MED27: variants seen among roughly 807,000 people sequenced by gnomAD.
The protein encoded by MED27 is mediator complex subunit 27.
Under a neutral mutation model 38.2 loss-of-function variants are expected in MED27, and 30 were observed. That is an observed-to-expected ratio of 0.79 (90% CI 0.59 to 1.07). MED27 has a LOEUF of 1.07. Ranked by LOEUF, MED27 falls within the 50% of genes least tolerant of loss-of-function variation. The pLI is 0.00. For missense variants in MED27, 289 were observed against 397.5 expected (o/e 0.73, Z 2.32); for synonymous variants, 122 against 153.5 (o/e 0.79, Z 1.52).
intron 6 of MED27, among the ~76,000 whole-genome samples, chr9:131,868,012 CAGA>C (rs1838764884): frequency 6.6e-6 from 1 of 152,210 alleles, no homozygotes. Context: ...AAATACAAAT[CAGA>C]AGGACAGTCT....
intron 3 of MED27, among the ~76,000 whole-genome samples, chr9:131,959,084 G>A (rs7862449): frequency 0.014 from 2,163 of 152,296 alleles, 55 homozygotes; most frequent in African/African-American, 0.049. Flanking sequence ...TTTTCATGTT[G>A]AATGGGAACA....
intron 3 of MED27, among the ~76,000 whole-genome samples, chr9:131,949,553 C>T (rs1156957268): frequency 3.9e-5 from 6 of 152,158 alleles, no homozygotes; most frequent in South Asian, 2.1e-4. Context: ...TCTTACACAC[C>T]GCAGTGCTTT....
intron 2 of MED27, among the ~76,000 whole-genome samples, chr9:132,076,265 C>CTT (rs113968612): frequency 2.7e-5 from 4 of 147,082 alleles, no homozygotes; most frequent in Admixed American, 2.0e-4. Flanking sequence ...AGGCCCCATG[C>CTT]TTTTTTTTTT....
intron 3 of MED27, among the ~76,000 whole-genome samples, chr9:131,986,999 A>ATTTTTTTTTTTTTTTTTTTTTTTT (rs66519112): frequency 4.3e-5 from 2 of 46,254 alleles, no homozygotes; most frequent in Non-Finnish European, 7.4e-5. Context: ...GAGTTCATGG[A>ATTTTTTTTTTTTTTTTTTTTTTTT]TTTTTTTTTT....
intron 2 of MED27, 94 bp downstream of exon 2, chr9:132,077,348 A>G: frequency 1.6e-6 from 2 of 1,249,888 alleles, no homozygotes; most frequent in South Asian, 2.8e-5. Context: ...AGAACATAAA[A>G]AGCAATAAAA....
At chr9:131,897,009 C>T (rs937524783) in intron 4 of MED27, among the ~76,000 whole-genome samples, 10 of 152,250 alleles carry the variant, frequency 6.6e-5, no homozygotes, top group Non-Finnish European at 8.8e-5. Context: ...GGATTACAGG[C>T]GCAAGCCACC....
At chr9:131,878,324 TC>T (rs1490336975) in intron 6 of MED27, among the ~76,000 whole-genome samples, 2 of 150,014 alleles carry the variant, frequency 1.3e-5, no homozygotes, top group Non-Finnish European at 2.9e-5. Context: ...ATAAAAATAA[TC>T]AACTAATAAA....
chr9:132,001,328 T>C (rs982616574), intron 3 of MED27, among the ~76,000 whole-genome samples: 7 of 152,144 alleles, frequency 4.6e-5, no homozygotes, highest in Admixed American at 3.9e-4. Context: ...TCACAATTTA[T>C]ATACTTTAAA....
At chr9:131,947,421 T>G (rs1830906719) in intron 3 of MED27, among the ~76,000 whole-genome samples, 1 of 152,208 alleles carries the variant, frequency 6.6e-6, no homozygotes, top group South Asian at 2.1e-4. Flanking sequence ...GACATGCCAA[T>G]TTTAAAATGT....
intron 4 of MED27, among the ~76,000 whole-genome samples, chr9:131,936,134 A>C (rs1189077574): frequency 2.2e-5 from 3 of 134,846 alleles, no homozygotes; most frequent in African/African-American, 1.0e-4. Flanking sequence ...CCCTGTCTCA[A>C]AAAAAAAAAA....
intron 2 of MED27, among the ~76,000 whole-genome samples, chr9:132,027,636 T>C (rs1026358070): frequency 6.6e-6 from 1 of 152,196 alleles, no homozygotes; most frequent in Non-Finnish European, 1.5e-5. Flanking sequence ...AGCCTTCTCA[T>C]CGATGTAGGC....
At chr9:131,948,825 G>A (rs188137287) in intron 3 of MED27, among the ~76,000 whole-genome samples, 1 of 152,308 alleles carries the variant, frequency 6.6e-6, no homozygotes, top group African/African-American at 2.4e-5. Context: ...AGTAGATGGG[G>A]AGCTTGATCC....
intron 2 of MED27, among the ~76,000 whole-genome samples, chr9:132,021,463 G>GA (rs1832715577): frequency 6.6e-6 from 1 of 151,962 alleles, no homozygotes; most frequent in Non-Finnish European, 1.5e-5. Flanking sequence ...AGAAGAAAGG[G>GA]AAAAAAAGGG....
rs200366743 is a variant in MED27 at position 132,002,928 on chromosome 9, AG to A, written c.479+11408del. On this transcript the variant is annotated intron_variant, in intron 3 of 7. Coordinates refer to ENST00000292035, the MANE Select transcript of MED27 (RefSeq NM_004269.4). Reference sequence around the variant, plus strand: ...AGTGAGACTCTGTCTCAAAAAAAAAAGAAAAAAGAAAAAGAAAAGAAACCAT... The same window carrying A: ...AGTGAGACTCTGTCTCAAAAAAAAAAAAAAAAGAAAAAGAAAAGAAACCAT... 2.3e-4 allele frequency among the ~76,000 whole-genome samples: 35 copies of A among 149,472 alleles called. 3 individuals carry two copies. The South Asian group carries it at 4.0e-3, about 17-fold the overall frequency.
intron 2 of MED27, among the ~76,000 whole-genome samples, chr9:132,021,693 C>T (rs1360934191): frequency 6.6e-6 from 1 of 152,148 alleles, no homozygotes; most frequent in Non-Finnish European, 1.5e-5. Context: ...TGTTTCAATA[C>T]ACATTGGCCT....
intron 3 of MED27, among the ~76,000 whole-genome samples, chr9:131,986,874 T>C (rs1350242920): frequency 6.6e-6 from 1 of 152,182 alleles, no homozygotes; most frequent in East Asian, 1.9e-4. Flanking sequence ...GTTTGGCACG[T>C]AACAGGCAGT....
At chr9:131,932,667 C>A (rs1377905230) in intron 4 of MED27, among the ~76,000 whole-genome samples, 1 of 152,088 alleles carries the variant, frequency 6.6e-6, no homozygotes, top group African/African-American at 2.4e-5. Flanking sequence ...AAAGGCTTCA[C>A]TGCTGAATTC....
chr9:131,975,272 T>C (rs948373007), intron 3 of MED27, among the ~76,000 whole-genome samples: 4 of 152,218 alleles, frequency 2.6e-5, no homozygotes, highest in Non-Finnish European at 5.9e-5. Context: ...GAAGTTCACC[T>C]ACTTCTTAAA....
At chr9:131,961,703 G>C (rs899795848) in intron 3 of MED27, among the ~76,000 whole-genome samples, 2 of 152,218 alleles carry the variant, frequency 1.3e-5, no homozygotes, top group Non-Finnish European at 2.9e-5. Context: ...TCATGCTGGG[G>C]AGGCGCTGCT....
Sources: gnomAD v4.1 joint callset for allele counts (sites outside exome capture counted in the v4.1 genomes callset) on GRCh38, gnomAD v4.1.1 for gene constraint, MANE v1.5 for transcripts, NCBI Gene and HGNC (gene_info 2026-07-23, HGNC 2026-07-21) for gene names.